The following MGRN1 variants were observed in gnomAD, a reference collection of about 807,000 sequenced individuals.
The protein encoded by MGRN1 is mahogunin ring finger 1.
Under a neutral mutation model 69.2 loss-of-function variants are expected in MGRN1, and 29 were observed. The ratio of observed to expected loss-of-function variants is 0.42; its 90% CI spans 0.31 to 0.57. The LOEUF (loss-of-function observed/expected upper bound fraction) is 0.57. MGRN1 is among the 20% of genes least tolerant of loss of function. MGRN1 has a pLI of 0.15. For missense variants in MGRN1, 998 were observed against 796.2 expected (o/e 1.25, Z -3.05); for synonymous variants, 470 against 344.2 (o/e 1.37, Z -4.04).
At chr16:4,677,598 A>G (rs1432717782) in intron 11 of MGRN1, 26 bp downstream of exon 11, 1 of 1,591,010 alleles carries the variant, frequency 6.3e-7, no homozygotes, top group Admixed American at 1.7e-5. Flanking sequence ...TGCCTGCGGG[A>G]TGGGCGGGAG....
At chr16:4,685,309 T>C (rs922254117) in intron 16 of MGRN1, among the ~76,000 whole-genome samples, 1 of 152,228 alleles carries the variant, frequency 6.6e-6, no homozygotes, top group African/African-American at 2.4e-5. Flanking sequence ...TCTCAGAGGC[T>C]GCGCCTCCCC....
At chr16:4,679,454 C>T (rs1425549206) in intron 11 of MGRN1, among the ~76,000 whole-genome samples, 2 of 152,094 alleles carry the variant, frequency 1.3e-5, no homozygotes, top group Non-Finnish European at 2.9e-5. Context: ...AACGCTCCTC[C>T]TCACCTGCCA....
intron 1 of MGRN1, among the ~76,000 whole-genome samples, chr16:4,625,845 G>A (rs1260555845): frequency 6.6e-6 from 1 of 152,200 alleles, no homozygotes. Flanking sequence ...TCTTTGTGGT[G>A]GAAAGGAGAG....
rs760063441 is a variant in MGRN1 at position 4,624,955 on chromosome 16, C to T, written c.-6C>T. On this transcript the variant is annotated 5_prime_UTR_variant, in exon 1 of 17. Coordinates refer to ENST00000262370, the MANE Select transcript of MGRN1 (RefSeq NM_015246.4). ...CTGGCCCCTCTGCCCGGCAGCGCCG[C>T]GCACCATGGGCTCCATTCTCAGCCG... 1.9e-6 allele frequency: 3 copies of T among 1,542,508 alleles called. No homozygotes were observed. Among genetic ancestry groups the T allele is most frequent in the Middle Eastern group, 1.7e-4 (1 of 5,894 alleles).
chr16:4,657,726 G>C (rs1424365298), intron 5 of MGRN1, among the ~76,000 whole-genome samples: 1 of 146,198 alleles, frequency 6.8e-6, no homozygotes, highest in Non-Finnish European at 1.5e-5. Context: ...TTAAAATCTT[G>C]GTGCAGACAT....
intron 8 of MGRN1, 140 bp downstream of exon 8, chr16:4,668,452 C>G: frequency 1.2e-6 from 1 of 838,862 alleles, no homozygotes; most frequent in Non-Finnish European, 1.9e-6. Flanking sequence ...CATACACATT[C>G]ACTTGCACAT....
chr16:4,644,175 A>G (rs2078224973), intron 1 of MGRN1, among the ~76,000 whole-genome samples: 1 of 151,658 alleles, frequency 6.6e-6, no homozygotes, highest in Non-Finnish European at 1.5e-5. Flanking sequence ...TATTTTTAGT[A>G]GAGATGGGGT....
chr16:4,643,663 C>T (rs1017941051), intron 1 of MGRN1, among the ~76,000 whole-genome samples: 6 of 152,108 alleles, frequency 3.9e-5, no homozygotes, highest in Non-Finnish European at 7.4e-5. Flanking sequence ...TGAGTCACCG[C>T]GCCTGGCAAA....
chr16:4,684,053 C>T, intron 16 of MGRN1, 121 bp downstream of exon 16: 1 of 879,360 alleles, frequency 1.1e-6, no homozygotes, highest in Non-Finnish European at 1.7e-6. Context: ...CTGGTTCTCT[C>T]CCTGGCTCTC....
rs1038844866 is a variant in MGRN1, at chr16:4,668,402, C to G, written c.726+90C>G. ...GCATACTCATACATAGACACACACT[C>G]ATACACACGCACATATACTCATACA... On this transcript the variant is annotated intron_variant, in intron 8 of 16. Coordinates refer to ENST00000262370, the MANE Select transcript of MGRN1 (RefSeq NM_015246.4). 5.9e-6 allele frequency: 8 copies of G among 1,345,566 alleles called. No individual in the cohort carries two copies. The African/African-American group carries it at 8.6e-5, about 14-fold the overall frequency. 83.4% of individuals were successfully genotyped at this position (1,345,566 alleles called of 1,614,324 possible). A position where few individuals can be genotyped will look rare whatever the true frequency, so the allele number is the denominator to read the frequency against.
chr16:4,679,975 C>T, intron 11 of MGRN1, 57 bp from the exon 12 acceptor site: 8 of 1,547,668 alleles, frequency 5.2e-6, no homozygotes, highest in Non-Finnish European at 6.2e-6. Flanking sequence ...CTGTCCAGCC[C>T]ACTCCAGGGC....
At chr16:4,666,771 C>T (rs1426339780) in intron 7 of MGRN1, among the ~76,000 whole-genome samples, 1 of 152,208 alleles carries the variant, frequency 6.6e-6, no homozygotes, top group East Asian at 1.9e-4. Context: ...CTTTTCCTGA[C>T]ACCACTCAGG....
intron 16 of MGRN1, chr16:4,687,244 G>A (rs2079346237): frequency 2.0e-6 from 2 of 985,486 alleles, no homozygotes; most frequent in Non-Finnish European, 1.2e-6. Context: ...GGTGGCCCAG[G>A]TGAGTGTTTT....
rs376631770 is a variant in MGRN1 at position 4,668,744 on chromosome 16, A to G, written c.726+432A>G. ...CACATATACATAGACACATACTGATACACACACATATACCCATTCACACAC... is the reference window on the plus strand; with the variant it reads ...CACATATACATAGACACATACTGATGCACACACATATACCCATTCACACAC... On this transcript the variant is annotated intron_variant, in intron 8 of 16. Transcript: ENST00000262370. Among the ~76,000 whole-genome samples the G allele has an allele frequency of 1.5e-3, 211 of 138,224 alleles. 1 individual carries two copies. The highest frequency in any genetic ancestry group is 5.2e-3 in the African/African-American group (194 of 37,062). The allele number at this position is 138,224 out of a possible 152,430, so 90.7% of individuals were successfully genotyped here. A position where few individuals can be genotyped will look rare whatever the true frequency, so the allele number is the denominator to read the frequency against.
At chr16:4,640,092 C>T (rs764995707) in intron 1 of MGRN1, 5 of 152,350 alleles carry the variant, frequency 3.3e-5, no homozygotes, top group African/African-American at 4.8e-5. Context: ...TTCAGTGATT[C>T]GGAATGTCCC....
chr16:4,638,865 C>T (rs937512301), intron 1 of MGRN1, among the ~76,000 whole-genome samples: 2 of 152,202 alleles, frequency 1.3e-5, no homozygotes, highest in Admixed American at 1.3e-4. Flanking sequence ...ATGGCTGAGG[C>T]AGCCCAGTGA....
chr16:4,671,327 G>T (rs778660104), intron 8 of MGRN1, 64 bp from the exon 9 acceptor site: 6 of 1,515,918 alleles, frequency 4.0e-6, no homozygotes, highest in Non-Finnish European at 5.5e-6. Flanking sequence ...TAGGCCAGGT[G>T]GGTATGGAGG....
rs869090061 is a variant in MGRN1, at chr16:4,632,007, C to CTTT, written c.88+6981_88+6983dup. On this transcript the variant is annotated intron_variant, in intron 1 of 16. Transcript: ENST00000262370. ...CAATCTAGTAGTGATAAAAAATTTCCTTTTTTTTTTTTTTTTTTTTTTTTG... is the reference window on the plus strand; with the variant it reads ...CAATCTAGTAGTGATAAAAAATTTCCTTTTTTTTTTTTTTTTTTTTTTTTTTTG... 3.7e-3 allele frequency among the ~76,000 whole-genome samples: 237 copies of CTTT among 64,818 alleles called. 8 individuals are homozygous for CTTT. The highest frequency in any genetic ancestry group is 9.7e-3 in the East Asian group (20 of 2,052). The allele number at this position is 64,818 out of a possible 152,430, so 42.5% of individuals were successfully genotyped here. A position where few individuals can be genotyped will look rare whatever the true frequency, so the allele number is the denominator to read the frequency against.
At chr16:4,673,700 T>A in intron 10 of MGRN1, 43 bp downstream of exon 10, 1 of 1,604,382 alleles carries the variant, frequency 6.2e-7, no homozygotes, top group Middle Eastern at 1.7e-4. Context: ...TTCTGGAAAT[T>A]AGGGACTGGC....
Sources: allele counts gnomAD v4.1 joint callset (sites outside exome capture counted in the v4.1 genomes callset), GRCh38; gene constraint gnomAD v4.1.1; transcripts MANE v1.5; gene names NCBI Gene and HGNC (gene_info 2026-07-23, HGNC 2026-07-21).